The following SIK3 variants were observed in gnomAD, a reference collection of about 807,000 sequenced individuals.
SIK3 encodes the protein serine/threonine-protein kinase SIK3.
In SIK3, 28 loss-of-function variants were observed where a neutral mutation model predicts 144.2. The ratio of observed to expected loss-of-function variants is 0.19; its 90% confidence interval spans 0.14 to 0.27. The LOEUF is 0.27. SIK3 is among the 10% of genes least tolerant of loss of function. The pLI is 1.00. For synonymous variants in SIK3, 686 were observed against 676.3 expected, an observed-to-expected ratio of 1.01 and a Z score of -0.22; for missense variants, 1,319 against 1,776.0, an observed-to-expected ratio of 0.74 and a Z score of 4.62.
chr11:117,096,015 C>A (rs1299999929), intron 1 of SIK3, among the ~76,000 whole-genome samples: 1 of 152,184 alleles, frequency 6.6e-6, no homozygotes, highest in Non-Finnish European at 1.5e-5. Flanking sequence ...TAAAATGCTG[C>A]AGTCCTAAAG....
intron 6 of SIK3, among the ~76,000 whole-genome samples, chr11:116,895,242 C>G (rs1442050767): frequency 1.3e-5 from 2 of 152,164 alleles, no homozygotes; most frequent in African/African-American, 4.8e-5. Context: ...GCGGCCTCTG[C>G]GCTGACCCCT....
chr11:117,012,600 CCT>C (rs1325629473), intron 1 of SIK3, among the ~76,000 whole-genome samples: 1 of 152,092 alleles, frequency 6.6e-6, no homozygotes, highest in Non-Finnish European at 1.5e-5. Flanking sequence ...TCCACAATTC[CCT>C]CTTTCCCATT....
chr11:116,905,285 C>T (rs893138733), intron 4 of SIK3, among the ~76,000 whole-genome samples: 3 of 152,224 alleles, frequency 2.0e-5, no homozygotes, highest in Admixed American at 6.5e-5. Flanking sequence ...TATGTCAGCA[C>T]TTGAGTCTAT....
intron 3 of SIK3, among the ~76,000 whole-genome samples, chr11:116,933,717 T>A (rs1244559957): frequency 6.6e-6 from 1 of 152,190 alleles, no homozygotes; most frequent in African/African-American, 2.4e-5. Flanking sequence ...CATGGCTCAT[T>A]GTAGCCTCAA....
At chr11:116,944,022 C>T in intron 3 of SIK3, among the ~76,000 whole-genome samples, 1 of 151,906 alleles carries the variant, frequency 6.6e-6, no homozygotes, top group Non-Finnish European at 1.5e-5. Flanking sequence ...GATAGGGTAC[C>T]TTCTTTTTTC....
chr11:117,055,692 A>G (rs1299044837), intron 1 of SIK3, among the ~76,000 whole-genome samples: 1 of 152,262 alleles, frequency 6.6e-6, no homozygotes, highest in African/African-American at 2.4e-5. Context: ...CACAGTTTGA[A>G]TGTCTCCGCC....
chr11:116,945,894 T>C (rs1212433538), intron 3 of SIK3, among the ~76,000 whole-genome samples: 1 of 152,210 alleles, frequency 6.6e-6, no homozygotes, highest in Admixed American at 6.5e-5. Flanking sequence ...ACTTTCTCCA[T>C]GCTGATCCAG....
chr11:117,005,147 A>G (rs1005828814), intron 1 of SIK3, among the ~76,000 whole-genome samples: 2 of 152,014 alleles, frequency 1.3e-5, no homozygotes, highest in Non-Finnish European at 2.9e-5. Flanking sequence ...CTCAGAATAT[A>G]AAAACAAAAT....
chr11:117,093,671 T>TA (rs200833598), intron 1 of SIK3, among the ~76,000 whole-genome samples: 24,946 of 136,278 alleles, frequency 0.18, 2,906 homozygotes, highest in African/African-American at 0.34. Context: ...CATTGCTATT[T>TA]AAAAAAAAAA....
At chr11:116,859,686 AGAC>A (rs924570473) in intron 19 of SIK3, 82 bp from the exon 20 acceptor site, 1 of 1,180,496 alleles carries the variant, frequency 8.5e-7, no homozygotes, top group African/African-American at 1.5e-5. Flanking sequence ...GAGAATACTC[AGAC>A]GACATACCAG....
At chr11:116,908,458 G>A (rs1946168168) in intron 4 of SIK3, among the ~76,000 whole-genome samples, 1 of 152,064 alleles carries the variant, frequency 6.6e-6, no homozygotes, top group South Asian at 2.1e-4. Context: ...CAGCCTGGGT[G>A]ATGGAGTGAG....
At chr11:116,903,823 C>G (rs1265862975) in intron 4 of SIK3, among the ~76,000 whole-genome samples, 1 of 152,120 alleles carries the variant, frequency 6.6e-6, no homozygotes, top group Non-Finnish European at 1.5e-5. Flanking sequence ...TAGGCTCAAG[C>G]GATCCTCCTG....
intron 1 of SIK3, among the ~76,000 whole-genome samples, chr11:116,961,347 T>A (rs1949341719): frequency 6.6e-6 from 1 of 151,888 alleles, no homozygotes. Context: ...AGCAGAAAAA[T>A]AAAGTTGGAA....
At chr11:116,928,735 A>G (rs1024293848) in intron 3 of SIK3, among the ~76,000 whole-genome samples, 2 of 152,248 alleles carry the variant, frequency 1.3e-5, no homozygotes, top group Admixed American at 6.5e-5. Context: ...TCTGACCACA[A>G]GAAATATAAC....
chr11:116,889,278 T>G (rs1314248998), intron 6 of SIK3, among the ~76,000 whole-genome samples: 7 of 152,194 alleles, frequency 4.6e-5, no homozygotes, highest in Admixed American at 4.6e-4. Flanking sequence ...AAGAAAATAA[T>G]TTAGGTTGCG....
intron 4 of SIK3, 117 bp from the exon 5 acceptor site, chr11:116,897,434 G>C: frequency 1.1e-6 from 1 of 937,660 alleles, no homozygotes; most frequent in Non-Finnish European, 1.6e-6. Context: ...AATGCAAAAA[G>C]AGAACATTTA....
intron 4 of SIK3, among the ~76,000 whole-genome samples, chr11:116,898,395 T>C (rs1488529549): frequency 4.6e-5 from 7 of 151,824 alleles, no homozygotes; most frequent in Non-Finnish European, 1.0e-4. Context: ...TTGGGTTGGT[T>C]CCAAGTCTTT....
intron 1 of SIK3, among the ~76,000 whole-genome samples, chr11:116,977,820 C>T (rs150045430): frequency 7.2e-4 from 110 of 152,186 alleles, no homozygotes; most frequent in Middle Eastern, 6.8e-3. Context: ...TTCCTAGGCA[C>T]GCTCTCTATT....
At chr11:116,863,410 G>C (rs914015654) in intron 16 of SIK3, among the ~76,000 whole-genome samples, 26 of 151,980 alleles carry the variant, frequency 1.7e-4, no homozygotes, top group African/African-American at 6.3e-4. Context: ...TTAATCTTTT[G>C]GGGGAGAAAG....
Sources: allele counts gnomAD v4.1 joint callset (sites outside exome capture counted in the v4.1 genomes callset), GRCh38; gene constraint gnomAD v4.1.1; transcripts MANE v1.5; gene names NCBI Gene and HGNC (gene_info 2026-07-23, HGNC 2026-07-21).